The following PTPN4 variants were observed in gnomAD, a reference collection of about 807,000 sequenced individuals.
PTPN4 encodes tyrosine-protein phosphatase non-receptor type 4.
Under a neutral mutation model 135.5 loss-of-function variants are expected in PTPN4, and 49 were observed. The ratio of observed to expected loss-of-function variants is 0.36; its 90% confidence interval spans 0.29 to 0.46. The LOEUF (loss-of-function observed/expected upper bound fraction) is 0.46. Ranked by LOEUF, PTPN4 falls within the 20% of genes least tolerant of loss-of-function variation. The probability of loss-of-function intolerance (pLI) is 1.00; values close to 1 mark genes in which losing one functional copy is unlikely to be tolerated. For missense variants in PTPN4, 860 were observed against 1,101.0 expected (o/e 0.78, Z 3.10); for synonymous variants, 333 against 369.9 (o/e 0.90, Z 1.14).
intron 3 of PTPN4, among the ~76,000 whole-genome samples, chr2:119,864,682 T>A (rs1677807233): frequency 6.6e-6 from 1 of 152,098 alleles, no homozygotes; most frequent in African/African-American, 2.4e-5. Flanking sequence ...AGATAAAAAT[T>A]CTATCACATA....
At chr2:119,934,434 A>T (rs149359836) in intron 14 of PTPN4, among the ~76,000 whole-genome samples, 2 of 152,230 alleles carry the variant, frequency 1.3e-5, no homozygotes, top group Non-Finnish European at 1.5e-5. Flanking sequence ...AAAAACATTT[A>T]TAACAATTAA....
chr2:119,918,089 ATGG>A (rs1352424112), intron 11 of PTPN4, among the ~76,000 whole-genome samples: 1 of 152,228 alleles, frequency 6.6e-6, no homozygotes. Context: ...TTTGTGGCAT[ATGG>A]TAAAACATAT....
rs1177108840 is a variant in PTPN4, at chr2:119,980,875, C to G, written c.*3805C>G. The G allele has an allele frequency of 1.3e-5, 2 of 151,814 alleles. No individual in the cohort carries two copies. Among genetic ancestry groups the G allele is most frequent in the Non-Finnish European group, 2.9e-5 (2 of 67,872 alleles). 9.4% of individuals were successfully genotyped at this position (151,814 alleles called of 1,614,324 possible). A position where few individuals can be genotyped will look rare whatever the true frequency, so the allele number is the denominator to read the frequency against. The stretch of plus-strand genomic sequence containing the variant: ...AGAAGACTAATTTTTTAAAAGCACT[C>G]AAAACATAGAACTAAGATTTAGAAT... On this transcript the variant is annotated 3_prime_UTR_variant, in exon 27 of 27. Transcript: ENST00000263708.
At chr2:119,870,764 CAG>C (rs1241259565) in intron 3 of PTPN4, among the ~76,000 whole-genome samples, 1 of 152,014 alleles carries the variant, frequency 6.6e-6, no homozygotes, top group Non-Finnish European at 1.5e-5. Flanking sequence ...AGATTCCTAA[CAG>C]ATACCATATA....
intron 3 of PTPN4, among the ~76,000 whole-genome samples, chr2:119,876,897 ATGTGTGTGTG>A (rs3835789): frequency 0.01 from 1,409 of 136,122 alleles, 19 homozygotes; most frequent in African/African-American, 0.035. Flanking sequence ...GCCCAAGAGC[ATGTGTGTGTG>A]TGTGTGTGTG....
At chr2:119,773,143 T>C (rs1290279572) in intron 1 of PTPN4, among the ~76,000 whole-genome samples, 1 of 152,206 alleles carries the variant, frequency 6.6e-6, no homozygotes, top group Non-Finnish European at 1.5e-5. Context: ...TTCTTCAAAT[T>C]TTTTGTTCAT....
chr2:119,981,622 T>C lies in PTPN4; in HGVS notation c.*4552T>C, dbSNP rs1277443490. The C allele has an allele frequency of 2.0e-5, 3 of 152,086 alleles. No individual in the cohort carries two copies. Among genetic ancestry groups the C allele is most frequent in the Non-Finnish European group, 4.4e-5 (3 of 67,964 alleles). 9.4% of individuals were successfully genotyped at this position (152,086 alleles called of 1,614,324 possible). A position where few individuals can be genotyped will look rare whatever the true frequency, so the allele number is the denominator to read the frequency against. On this transcript the variant is annotated 3_prime_UTR_variant, in exon 27 of 27. Coordinates refer to ENST00000263708, the MANE Select transcript of PTPN4 (RefSeq NM_002830.4). Reference sequence around the variant, plus strand: ...GGCTAATTGATAATAATTTCAGCAATTTTATTAAGAACCCAGTAAATTAAT... The same window carrying C: ...GGCTAATTGATAATAATTTCAGCAACTTTATTAAGAACCCAGTAAATTAAT...
chr2:119,969,993 A>G (rs1679506130), intron 26 of PTPN4, among the ~76,000 whole-genome samples: 1 of 152,142 alleles, frequency 6.6e-6, no homozygotes, highest in African/African-American at 2.4e-5. Context: ...TAAAGTATAC[A>G]ATTCAGTGGG....
At chr2:119,822,413 C>T (rs1677082889) in intron 2 of PTPN4, among the ~76,000 whole-genome samples, 1 of 130,870 alleles carries the variant, frequency 7.6e-6, no homozygotes, top group African/African-American at 2.8e-5. Context: ...GGCTGGAGTG[C>T]AGTGGCGTGA....
intron 2 of PTPN4, among the ~76,000 whole-genome samples, chr2:119,829,103 CTCTT>C: frequency 6.6e-6 from 1 of 152,302 alleles, no homozygotes; most frequent in East Asian, 1.9e-4. Flanking sequence ...TCTTATCTCA[CTCTT>C]TCTGTGGTTT....
chr2:119,967,868 A>G lies in PTPN4; in HGVS notation c.2590A>G (p.Thr864Ala). 1.9e-6 allele frequency: 3 copies of G among 1,611,106 alleles called. No individual in the cohort carries two copies. Among genetic ancestry groups the G allele is most frequent in the South Asian group, 2.2e-5 (2 of 90,604 alleles). ...AATCGGAAGAACTGGGGTTCTTATT[A>G]CTATGGAAACAGCCATGTGTCTCAT... is the stretch of plus-strand genomic sequence containing the variant. ...AGIGRTGVLI[T>A]METAMCLIEC... Residue 864 changes from threonine (T) to alanine (A), a missense_variant, in exon 26 of 27, where the codon ACT (threonine) becomes GCT (alanine). Physicochemically the swap from Thr to Ala is moderately conservative, Grantham distance 58. Coordinates refer to ENST00000263708, the MANE Select transcript of PTPN4 (RefSeq NM_002830.4).
chr2:119,912,399 C>T (rs897519358), intron 10 of PTPN4, among the ~76,000 whole-genome samples: 1 of 151,994 alleles, frequency 6.6e-6, no homozygotes, highest in Non-Finnish European at 1.5e-5. Context: ...TCACACTTAC[C>T]AAAGTATATA....
chr2:119,897,920 G>A, intron 9 of PTPN4, among the ~76,000 whole-genome samples: 1 of 152,320 alleles, frequency 6.6e-6, no homozygotes, highest in African/African-American at 2.4e-5. Flanking sequence ...GTTTGTTGAT[G>A]TTCCAAGTAC....
chr2:119,874,489 C>T (rs1677957797), intron 3 of PTPN4, among the ~76,000 whole-genome samples: 1 of 152,194 alleles, frequency 6.6e-6, no homozygotes, highest in African/African-American at 2.4e-5. Context: ...ACCAAGAAAA[C>T]CTTGTCTGTG....
At chr2:119,881,125 AT>A (rs1435073134) in intron 5 of PTPN4, among the ~76,000 whole-genome samples, 1 of 152,218 alleles carries the variant, frequency 6.6e-6, no homozygotes, top group Non-Finnish European at 1.5e-5. Flanking sequence ...CCAAAGGACA[AT>A]GCTATCTTGT....
intron 2 of PTPN4, among the ~76,000 whole-genome samples, chr2:119,822,009 A>G (rs886959142): frequency 1.1e-4 from 16 of 151,852 alleles, no homozygotes; most frequent in African/African-American, 3.4e-4. Context: ...TTTCATGTAG[A>G]TTGTGCATGA....
At chr2:119,815,153 T>TG (rs1676967117) in intron 2 of PTPN4, among the ~76,000 whole-genome samples, 1 of 152,198 alleles carries the variant, frequency 6.6e-6, no homozygotes, top group Non-Finnish European at 1.5e-5. Flanking sequence ...GAAAGATTCT[T>TG]GGGCAGTTAT....
chr2:119,952,159 T>G, intron 19 of PTPN4, 30 bp downstream of exon 19: 1 of 1,575,200 alleles, frequency 6.3e-7, no homozygotes, highest in African/African-American at 1.4e-5. Flanking sequence ...CCAGATAATT[T>G]ATAGTAATTT....
At chr2:119,885,382 C>CCA (rs1449540441) in intron 8 of PTPN4, among the ~76,000 whole-genome samples, 1 of 152,154 alleles carries the variant, frequency 6.6e-6, no homozygotes, top group African/African-American at 2.4e-5. Flanking sequence ...TGTCTGTGCA[C>CCA]CACACTCTGA....
Sources: gnomAD v4.1 joint callset for allele counts (sites outside exome capture counted in the v4.1 genomes callset) on GRCh38, gnomAD v4.1.1 for gene constraint, MANE v1.5 for transcripts, NCBI Gene and HGNC (gene_info 2026-07-23, HGNC 2026-07-21) for gene names.